GTF3C1: variants seen among roughly 807,000 people sequenced by gnomAD.
The protein encoded by GTF3C1 is general transcription factor 3C polypeptide 1.
A neutral mutation model predicts 226.7 loss-of-function variants in GTF3C1; 57 were observed. The observed-to-expected ratio is 0.25, with a 90% CI of 0.20 to 0.31. The LOEUF is 0.31. Ranked by LOEUF, GTF3C1 falls within the 10% of genes least tolerant of loss-of-function variation. GTF3C1 has a pLI of 1.00. For synonymous variants in GTF3C1, 1,090 were observed against 1,084.8 expected (o/e 1.00, Z -0.09); for missense variants, 2,217 against 2,776.1 (o/e 0.80, Z 4.53).
chr16:27,499,473 G>A (rs7188677), intron 12 of GTF3C1, among the ~76,000 whole-genome samples: 1,888 of 152,262 alleles, frequency 0.012, 53 homozygotes, highest in African/African-American at 0.042. Flanking sequence ...TGCTGAGGCC[G>A]GGGACAGCAA....
At chr16:27,475,075 TC>T (rs2087931988) in intron 29 of GTF3C1, among the ~76,000 whole-genome samples, 1 of 152,160 alleles carries the variant, frequency 6.6e-6, no homozygotes, top group Admixed American at 6.5e-5. Context: ...CAGTTCCATT[TC>T]CCCCAGTCCT....
chr16:27,497,764 T>C lies in GTF3C1; in HGVS notation c.2223A>G (p.Gly741=), dbSNP rs748320686. 2 of 1,614,160 alleles carry C rather than the reference T, an allele frequency of 1.2e-6. No individual in the cohort carries two copies. Among genetic ancestry groups the C allele is most frequent in the Non-Finnish European group, 1.7e-6 (2 of 1,179,972 alleles). ...PQGEAEEDSQ[G]KEGPSGSGDS... Reference sequence around the variant, plus strand: ...CCCCTGATCCACTTGGGCCCTCTTTTCCTTGACTGTCTTCTTCTGCCTCCC... The same window carrying C: ...CCCCTGATCCACTTGGGCCCTCTTTCCCTTGACTGTCTTCTTCTGCCTCCC... Residue 741 remains glycine (G), a synonymous_variant, in exon 14 of 37, where the codon GGA becomes GGG. Transcript: ENST00000356183.
chr16:27,488,973 A>G, intron 21 of GTF3C1, 70 bp downstream of exon 21: 2 of 1,405,132 alleles, frequency 1.4e-6, no homozygotes, highest in Non-Finnish European at 2.0e-6. Context: ...GTCTCTGGTC[A>G]GGCAGGGAGG....
intron 2 of GTF3C1, among the ~76,000 whole-genome samples, chr16:27,544,023 T>C (rs143762958): frequency 3.9e-5 from 6 of 151,908 alleles, no homozygotes; most frequent in East Asian, 3.9e-4. Flanking sequence ...TACAAGGGAT[T>C]TGAGGTCAAG....
intron 13 of GTF3C1, among the ~76,000 whole-genome samples, chr16:27,498,171 C>G (rs1025567906): frequency 3.3e-5 from 5 of 152,230 alleles, no homozygotes; most frequent in African/African-American, 1.2e-4. Flanking sequence ...CAATACTTGG[C>G]AGATCCCACA....
Position 27,492,638 on chromosome 16 carries a change from T to C in GTF3C1, c.2952A>G (p.Glu984=). 3 of 1,601,934 alleles carry C rather than the reference T, an allele frequency of 1.9e-6. No homozygotes were observed. The highest frequency in any genetic ancestry group is 2.2e-5 in the East Asian group (1 of 44,814). The change falls in exon 18 of 37, where the codon GAA becomes GAG. Residue 984 remains glutamate (E), a synonymous_variant. Coordinates refer to ENST00000356183, the MANE Select transcript of GTF3C1 (RefSeq NM_001520.4). This position sits in a 1 kb window ranked among gnomAD's most constrained non-coding sequence, Gnocchi z 5.0. ...TTACCTGATCTTTATCCTGAAACTT[T>C]TCCGTGGGACCAAACTGTAGCAGCC... ...YMGLLQFGPT[E]KFQDKDQVFI...
intron 26 of GTF3C1, 52 bp from the exon 27 acceptor site, chr16:27,481,243 G>A (rs759679370): frequency 1.3e-6 from 2 of 1,499,688 alleles, no homozygotes; most frequent in Non-Finnish European, 1.9e-6. Flanking sequence ...CTAAAGGGAG[G>A]TTTTGCTAAG....
In GTF3C1 at chr16:27,463,295, CAGCGCCCTG is replaced by C; in HGVS notation, c.5924+237_5924+245del. 1 of 539,690 alleles carries C rather than the reference CAGCGCCCTG, an allele frequency of 1.9e-6. No homozygotes were observed. Among genetic ancestry groups the C allele is most frequent in the Admixed American group, 3.5e-5 (1 of 28,648 alleles). 33.4% of individuals were successfully genotyped at this position (539,690 alleles called of 1,614,324 possible). ...GACAGCACCAGGCATGGTTCTCCAC[CAGCGCCCTG>C]GGCATTCTGGAAGCGCAGCCCTCAT... On this transcript the variant is annotated intron_variant, in intron 35 of 36. Coordinates refer to ENST00000356183, the MANE Select transcript of GTF3C1 (RefSeq NM_001520.4). This position sits in a 1 kb window ranked among gnomAD's most constrained non-coding sequence, Gnocchi z 4.9.
chr16:27,511,002 A>C (rs1375085393), intron 7 of GTF3C1, among the ~76,000 whole-genome samples: 1 of 152,130 alleles, frequency 6.6e-6, no homozygotes, highest in Non-Finnish European at 1.5e-5. Context: ...TTATCCTCAT[A>C]ATGTGCTAGT....
At chr16:27,465,720 T>C (rs1365101923) in intron 32 of GTF3C1, 180 bp from the exon 33 acceptor site, 2 of 604,282 alleles carry the variant, frequency 3.3e-6, no homozygotes, top group East Asian at 5.5e-5. Flanking sequence ...TCCTGATCCG[T>C]GACCCTAGGC....
intron 2 of GTF3C1, among the ~76,000 whole-genome samples, chr16:27,541,230 G>A (rs1045091133): frequency 6.6e-6 from 1 of 152,180 alleles, no homozygotes; most frequent in African/African-American, 2.4e-5. Flanking sequence ...GAGGCATGAA[G>A]AAGCATGCCT....
At chr16:27,538,066 G>A (rs2141454371) in intron 3 of GTF3C1, 114 bp downstream of exon 3, 1 of 1,262,530 alleles carries the variant, frequency 7.9e-7, no homozygotes, top group East Asian at 2.3e-5. Flanking sequence ...TGAGACCACG[G>A]CCTTGAAACA....
Position 27,533,323 on chromosome 16 carries a change from T to C in GTF3C1, c.817A>G (p.Ile273Val). The change falls in exon 5 of 37, where the codon ATA becomes GTA. Residue 273 changes from isoleucine to valine, a missense_variant. This residue lies in a region of GTF3C1 where 163 missense variants were observed against 234.3 expected (regional missense o/e 0.70). Coordinates refer to ENST00000356183, the MANE Select transcript of GTF3C1 (RefSeq NM_001520.4). The part of the protein sequence containing the change: ...SVMLSTRTNH[I>V]ETLGKLREEL... ...TCCCTCAGCTTTCCCAGCGTCTCTA[T>C]GTGGTTAGTCCGTGTGCTCAGCATG... 6.2e-7 allele frequency: 1 copy of C among 1,605,774 alleles called. No homozygotes were observed. The highest frequency in any genetic ancestry group is 8.5e-7 in the Non-Finnish European group (1 of 1,172,374).
intron 12 of GTF3C1, 146 bp downstream of exon 12, chr16:27,501,045 T>C (rs1230358634): frequency 6.8e-5 from 45 of 666,442 alleles, no homozygotes; most frequent in Non-Finnish European, 9.9e-5. Flanking sequence ...AGCTAACCCA[T>C]ATTCCCCAAA....
chr16:27,498,261 C>T (rs1266226414), intron 13 of GTF3C1, among the ~76,000 whole-genome samples: 3 of 152,170 alleles, frequency 2.0e-5, no homozygotes, highest in African/African-American at 4.8e-5. Flanking sequence ...AACTTTCTCC[C>T]TCCCCTGAGT....
intron 23 of GTF3C1, among the ~76,000 whole-genome samples, chr16:27,487,377 T>C (rs1328230236): frequency 2.6e-5 from 4 of 152,194 alleles, no homozygotes; most frequent in African/African-American, 9.7e-5. Context: ...TTAGGCAATA[T>C]GAAAGTGGTC....
intron 10 of GTF3C1, among the ~76,000 whole-genome samples, chr16:27,503,711 TCAA>T (rs1225980651): frequency 6.6e-6 from 1 of 152,198 alleles, no homozygotes; most frequent in Admixed American, 6.5e-5. Flanking sequence ...CAACACTGGA[TCAA>T]AATGTGAAAG....
At chr16:27,547,672 CT>C (rs533372837) in intron 1 of GTF3C1, among the ~76,000 whole-genome samples, 41 of 151,482 alleles carry the variant, frequency 2.7e-4, no homozygotes, top group Non-Finnish European at 5.3e-4. Context: ...AAAGGATAAG[CT>C]TTTTTTTTGA....
rs2087868047 is a variant in GTF3C1 at position 27,471,436 on chromosome 16, G to C, written c.4526+312C>G. Reference sequence around the variant, plus strand: ...GAGGGACTGAGGCTATGCTGGAACAGGAGGGTGGACTTCCAGCCAGGCCAA... The same window carrying C: ...GAGGGACTGAGGCTATGCTGGAACACGAGGGTGGACTTCCAGCCAGGCCAA... On this transcript the variant is annotated intron_variant, in intron 30 of 36. Coordinates refer to ENST00000356183, the MANE Select transcript of GTF3C1 (RefSeq NM_001520.4). This position sits in a 1 kb window ranked among gnomAD's most constrained non-coding sequence, Gnocchi z 5.0. 1 of 322,894 alleles carries C rather than the reference G, an allele frequency of 3.1e-6. No homozygotes were observed. Among genetic ancestry groups the C allele is most frequent in the Admixed American group, 4.3e-5 (1 of 23,066 alleles). The allele number at this position is 322,894 out of a possible 1,614,324, so 20.0% of individuals were successfully genotyped here. A position where few individuals can be genotyped will look rare whatever the true frequency, so the allele number is the denominator to read the frequency against.
Sources: gnomAD v4.1 joint callset for allele counts (sites outside exome capture counted in the v4.1 genomes callset) on GRCh38, gnomAD v4.1.1 for gene constraint, gnomAD v4.1.1 regional missense constraint, Gnocchi (gnomAD v3.1) non-coding constraint, MANE v1.5 for transcripts, NCBI Gene and HGNC (gene_info 2026-07-23, HGNC 2026-07-21) for gene names.